The following COL25A1 variants were observed in gnomAD, a reference collection of about 807,000 sequenced individuals.
The protein encoded by COL25A1 is collagen alpha-1(XXV) chain.
COL25A1 carries 103 observed loss-of-function variants against 128.4 expected under a neutral mutation model. The ratio of observed to expected loss-of-function variants is 0.80; its 90% CI spans 0.68 to 0.94. COL25A1 has a LOEUF of 0.94. COL25A1 is among the 40% of genes least tolerant of loss of function. The probability of loss-of-function intolerance (pLI) is 0.00; values close to 1 mark genes in which losing one functional copy is unlikely to be tolerated. For synonymous variants in COL25A1, 279 were observed against 277.2 expected (o/e 1.01, Z -0.06); for missense variants, 745 against 840.0 (o/e 0.89, Z 1.40).
At chr4:108,984,617 G>A (rs963843189) in intron 6 of COL25A1, among the ~76,000 whole-genome samples, 5 of 152,206 alleles carry the variant, frequency 3.3e-5, no homozygotes, top group Admixed American at 1.3e-4. Flanking sequence ...CACTGCCCGC[G>A]GCAGGTGGGG....
intron 3 of COL25A1, among the ~76,000 whole-genome samples, chr4:109,181,062 G>A (rs945542264): frequency 6.6e-6 from 1 of 152,132 alleles, no homozygotes; most frequent in South Asian, 2.1e-4. Flanking sequence ...CCATCAGGAA[G>A]CACTTTCTCA....
chr4:109,063,626 C>T (rs1553924553), intron 3 of COL25A1, among the ~76,000 whole-genome samples: 1 of 152,044 alleles, frequency 6.6e-6, no homozygotes, highest in Non-Finnish European at 1.5e-5. Context: ...AGGATCACTG[C>T]AACCCAGTTC....
At position 108,966,638 on chromosome 4, in the gene COL25A1, C is replaced by A. The variant is rs529096933; in HGVS notation, c.492+7729G>T. ...GCTGAGGTAGGCACATCACTTGAGT[C>A]CAGGAGTTCGAGGCCAGCCTGGGCA... On this transcript the variant is annotated intron_variant, in intron 8 of 37. Coordinates refer to ENST00000399132, the MANE Select transcript of COL25A1 (RefSeq NM_198721.4). Among the ~76,000 whole-genome samples the A allele has an allele frequency of 3.0e-3, 453 of 152,110 alleles. 2 individuals carry two copies. Among genetic ancestry groups the A allele is most frequent in the South Asian group, 9.6e-3 (46 of 4,810 alleles).
intron 6 of COL25A1, among the ~76,000 whole-genome samples, chr4:108,977,095 T>C (rs949610458): frequency 1.3e-5 from 2 of 151,904 alleles, no homozygotes; most frequent in African/African-American, 4.8e-5. Flanking sequence ...GGAACTAGAG[T>C]CTCAGAAAGA....
intron 11 of COL25A1, among the ~76,000 whole-genome samples, chr4:108,923,202 A>G (rs1336797265): frequency 6.6e-6 from 1 of 152,214 alleles, no homozygotes; most frequent in East Asian, 1.9e-4. Flanking sequence ...CCCTACTCAA[A>G]AATTGATTTT....
chr4:108,937,972 G>T, intron 10 of COL25A1, 129 bp from the exon 11 acceptor site: 1 of 666,778 alleles, frequency 1.5e-6, no homozygotes, highest in Non-Finnish European at 2.5e-6. Context: ...ATAGAGGAAT[G>T]TAGCACATTA....
chr4:109,104,549 T>C (rs1386733201), intron 3 of COL25A1, among the ~76,000 whole-genome samples: 2 of 151,980 alleles, frequency 1.3e-5, no homozygotes, highest in African/African-American at 2.4e-5. Flanking sequence ...CATTATGACA[T>C]GGGTTTGCCA....
chr4:109,031,266 C>T (rs111549161), intron 5 of COL25A1, among the ~76,000 whole-genome samples: 3 of 152,134 alleles, frequency 2.0e-5, no homozygotes, highest in African/African-American at 7.2e-5. Context: ...CGCCTGCCAC[C>T]GCGCCCGGCT....
At chr4:108,816,234 A>G (rs1731236096) in intron 37 of COL25A1, among the ~76,000 whole-genome samples, 1 of 152,198 alleles carries the variant, frequency 6.6e-6, no homozygotes, top group African/African-American at 2.4e-5. Flanking sequence ...TCTCTGGTCA[A>G]GTAGGTGAAA....
chr4:109,195,990 C>T (rs557610889), intron 3 of COL25A1, among the ~76,000 whole-genome samples: 1 of 152,182 alleles, frequency 6.6e-6, no homozygotes, highest in Non-Finnish European at 1.5e-5. Flanking sequence ...CCCTGTGTTA[C>T]CCTTTGTCCT....
At chr4:109,116,456 G>C (rs1767568758) in intron 3 of COL25A1, among the ~76,000 whole-genome samples, 1 of 151,942 alleles carries the variant, frequency 6.6e-6, no homozygotes. Context: ...AAGCACTGGT[G>C]AGGTTCACAG....
At chr4:109,189,547 C>CAAAA (rs33989375) in intron 3 of COL25A1, among the ~76,000 whole-genome samples, 40 of 53,554 alleles carry the variant, frequency 7.5e-4, no homozygotes, top group African/African-American at 9.7e-4. Context: ...GACTCCATCT[C>CAAAA]AAAAAAAAAA....
intron 3 of COL25A1, among the ~76,000 whole-genome samples, chr4:109,241,415 T>C (rs1000945743): frequency 6.6e-6 from 1 of 152,036 alleles, no homozygotes; most frequent in South Asian, 2.1e-4. Context: ...ACCTTCTTTG[T>C]GCAATCTTTA....
chr4:109,112,604 A>C (rs1767133832), intron 3 of COL25A1, among the ~76,000 whole-genome samples: 1 of 152,098 alleles, frequency 6.6e-6, no homozygotes, highest in Admixed American at 6.6e-5. Flanking sequence ...TAAATGTTCA[A>C]GTAAAACTAA....
intron 3 of COL25A1, among the ~76,000 whole-genome samples, chr4:109,073,212 G>T (rs780243794): frequency 6.6e-6 from 1 of 152,112 alleles, no homozygotes; most frequent in Admixed American, 6.6e-5. Context: ...TGGAGGGAGA[G>T]AAACCAAGAC....
chr4:109,274,545 T>C (rs1223754154), intron 3 of COL25A1, among the ~76,000 whole-genome samples: 1 of 152,152 alleles, frequency 6.6e-6, no homozygotes, highest in Non-Finnish European at 1.5e-5. Flanking sequence ...CTGGAACATA[T>C]GCCAAAATAT....
At chr4:109,163,302 C>G (rs1772756743) in intron 3 of COL25A1, among the ~76,000 whole-genome samples, 1 of 152,194 alleles carries the variant, frequency 6.6e-6, no homozygotes, top group Non-Finnish European at 1.5e-5. Flanking sequence ...GAGATGTGTA[C>G]AGTGTTACTA....
intron 3 of COL25A1, among the ~76,000 whole-genome samples, chr4:109,257,304 A>G (rs1781144940): frequency 6.6e-6 from 1 of 152,290 alleles, no homozygotes; most frequent in African/African-American, 2.4e-5. Flanking sequence ...TTATTATTAC[A>G]TCTCTTTGTA....
intron 3 of COL25A1, among the ~76,000 whole-genome samples, chr4:109,152,157 G>A (rs1420295647): frequency 6.6e-6 from 1 of 150,382 alleles, no homozygotes; most frequent in Non-Finnish European, 1.5e-5. Context: ...TTACTTTCAA[G>A]TGTATGTATT....
Sources: gnomAD v4.1 joint callset for allele counts (sites outside exome capture counted in the v4.1 genomes callset) on GRCh38, gnomAD v4.1.1 for gene constraint, MANE v1.5 for transcripts, NCBI Gene and HGNC (gene_info 2026-07-23, HGNC 2026-07-21) for gene names.